SUN1: variants seen among roughly 807,000 people sequenced by gnomAD.
SUN1 encodes the protein SUN domain-containing protein 1.
Under a neutral mutation model 103.2 loss-of-function variants are expected in SUN1, and 61 were observed. The observed-to-expected ratio is 0.59, with a 90% CI of 0.48 to 0.73. The LOEUF (loss-of-function observed/expected upper bound fraction) is 0.73, where lower values mean the gene tolerates loss of function less well. Ranked by LOEUF, SUN1 falls within the 30% of genes least tolerant of loss-of-function variation. The pLI is 0.00. For missense variants in SUN1, 1,052 were observed against 1,034.6 expected (o/e 1.02, Z -0.23); for synonymous variants, 490 against 425.7 (o/e 1.15, Z -1.86).
At chr7:852,524 A>C (rs1823195558) in intron 7 of SUN1, 85 bp from the exon 8 acceptor site, 1 of 1,563,094 alleles carries the variant, frequency 6.4e-7, no homozygotes, top group Admixed American at 1.7e-5. Context: ...TGGATTTTGC[A>C]CAAAATTATC....
At position 857,858 on chromosome 7, in the gene SUN1, C is replaced by A; in HGVS notation, c.1425C>A (p.Val475=). ...SAVGEQLLPT[V]EHLQLELDQL... ...TTGGTGAGCAGCTCCTGCCCACAGT[C>A]GAGCACCTCCAGCTGGAGCTGGATC... is the stretch of plus-strand genomic sequence containing the variant. The change falls in exon 13 of 19, where the codon GTC becomes GTA. Residue 475 remains valine, a synonymous_variant. Transcript: ENST00000401592. The A allele has an allele frequency of 6.3e-7, 1 of 1,597,888 alleles. No individual in the cohort carries two copies. The highest frequency in any genetic ancestry group is 1.1e-5 in the South Asian group (1 of 89,980).
chr7:847,220 T>G (rs1373706796), intron 5 of SUN1, among the ~76,000 whole-genome samples: 1 of 151,938 alleles, frequency 6.6e-6, no homozygotes, highest in Non-Finnish European at 1.5e-5. Context: ...TTGGCGGCCT[T>G]CCCCTGGGGG....
At chr7:861,517 G>T in intron 15 of SUN1, 53 bp downstream of exon 15, 1 of 1,592,878 alleles carries the variant, frequency 6.3e-7, no homozygotes, top group Non-Finnish European at 8.6e-7. Context: ...TGTTAGCAGG[G>T]GTGTGCACTT....
intron 5 of SUN1, among the ~76,000 whole-genome samples, chr7:847,542 A>G (rs1817395123): frequency 1.5e-5 from 1 of 66,878 alleles, no homozygotes. Flanking sequence ...GTTACCCCGC[A>G]GTCCAGTCTC....
At position 854,956 on chromosome 7, in the gene SUN1, C is replaced by G. The variant is rs1193306641; in HGVS notation, c.1300C>G (p.Arg434Gly). ...FMAFHQEHEVRMSHLEDILGK... is the reference protein window; with the variant it reads ...FMAFHQEHEVGMSHLEDILGK... ...GGCCTTTCACCAAGAACATGAAGTGCGTATGTCACACTTGGAAGATATTCT... is the reference window on the plus strand; with the variant it reads ...GGCCTTTCACCAAGAACATGAAGTGGGTATGTCACACTTGGAAGATATTCT... The change falls in exon 11 of 19, where the codon CGT becomes GGT. Residue 434 changes from arginine to glycine, a missense_variant. Coordinates refer to ENST00000401592, the MANE Select transcript of SUN1 (RefSeq NM_001130965.3). The G allele has an allele frequency of 6.2e-7, 1 of 1,613,514 alleles. No individual in the cohort carries two copies. The highest frequency in any genetic ancestry group is 2.2e-5 in the East Asian group (1 of 44,878).
intron 15 of SUN1, among the ~76,000 whole-genome samples, chr7:865,540 G>A (rs1412010175): frequency 6.6e-6 from 1 of 152,242 alleles, no homozygotes. Flanking sequence ...AAGCAGTGCT[G>A]CACAAAGATA....
chr7:843,793 TAAAAC>T (rs1244209644), intron 5 of SUN1: 2 of 1,421,484 alleles, frequency 1.4e-6, no homozygotes, highest in Non-Finnish European at 1.8e-6. Context: ...GCGAAACTAA[TAAAAC>T]TACAGTCACT....
chr7:816,859 C>T (rs1292547240), intron 1 of SUN1: 1 of 150,522 alleles, frequency 6.6e-6, no homozygotes, highest in East Asian at 1.9e-4. Flanking sequence ...CGCAGCTACC[C>T]CGGCCCGCGC....
chr7:842,037 G>A lies in SUN1; in HGVS notation c.358G>A (p.Gly120Ser), dbSNP rs199666815. Residue 120 changes from glycine (G) to serine (S), a missense_variant, in exon 3 of 19, where the codon GGC becomes AGC. Gly to Ser is a moderately conservative substitution (Grantham distance 56). Coordinates refer to ENST00000401592, the MANE Select transcript of SUN1 (RefSeq NM_001130965.3). ...CACGTCCTCTGGCGTCAGCCACGGC[G>A]GCACTGTCAGCCTGCAGGATGCTGT... ...QVTSSGVSHG[G>S]TVSLQDAVTR... 3.2e-4 allele frequency: 521 copies of A among 1,614,170 alleles called. 3 individuals carry two copies. In the African/African-American group the frequency reaches 6.4e-3, roughly 20 times the overall value.
chr7:854,352 C>T (rs536926180), intron 10 of SUN1, among the ~76,000 whole-genome samples: 1 of 152,396 alleles, frequency 6.6e-6, no homozygotes, highest in South Asian at 2.1e-4. Flanking sequence ...TTTGCGTCTG[C>T]ACTGCCTAGT....
rs1831087145 is a variant in SUN1, at chr7:860,150, T to C, written c.1547T>C (p.Met516Thr). ...TAGGTGGACGTGCAAGTCAGAGAAA[T>C]GGTGAAACTCCTGTTTTCCGAAGAT... The part of the protein sequence containing the change: ...QERVDVQVRE[M>T]VKLLFSEDQQ... Residue 516 changes from methionine (M) to threonine (T), a missense_variant, in exon 14 of 19, where the codon ATG becomes ACG. Met to Thr is a moderately conservative substitution (Grantham distance 81). Transcript: ENST00000401592. 1 of 1,614,128 alleles carries C rather than the reference T, an allele frequency of 6.2e-7. No individual in the cohort carries two copies. Among genetic ancestry groups the C allele is most frequent in the Admixed American group, 1.7e-5 (1 of 60,028 alleles).
chr7:852,605 C>T lies in SUN1; in HGVS notation c.852-4C>T, dbSNP rs1823322114. On this transcript the variant is annotated splice_polypyrimidine_tract_variant and splice_region_variant and intron_variant, in intron 7 of 18. Coordinates refer to ENST00000401592, the MANE Select transcript of SUN1 (RefSeq NM_001130965.3). ...AAGTCAAAGGTTTTCATTGTTACTC[C>T]CAGGTGCCTTCGAAACATCTGCAAG... 4.3e-6 allele frequency: 7 copies of T among 1,614,146 alleles called. No homozygotes were observed. The African/African-American group carries it at 8.0e-5, about 18-fold the overall frequency.
rs1310756089 is a variant in SUN1 at position 852,062 on chromosome 7, T to C, written c.851+19T>C. On this transcript the variant is annotated intron_variant, in intron 7 of 18. Transcript: ENST00000401592. The stretch of plus-strand genomic sequence containing the variant: ...TTACCAGGTAAGGAAATGGATATCA[T>C]GTCAGCGTGGTGCTTTAAGGAACCA... 6.2e-7 allele frequency: 1 copy of C among 1,612,066 alleles called. No individual in the cohort carries two copies. The highest frequency in any genetic ancestry group is 8.5e-7 in the Non-Finnish European group (1 of 1,178,276).
At position 871,475 on chromosome 7, in the gene SUN1, C is replaced by G. The variant is rs544272449; in HGVS notation, c.2149-995C>G. Among the ~76,000 whole-genome samples, 5 of 152,268 alleles carry G rather than the reference C, an allele frequency of 3.3e-5. No homozygotes were observed. The East Asian group carries it at 9.7e-4, about 30-fold the overall frequency. On this transcript the variant is annotated intron_variant, in intron 17 of 18. Coordinates refer to ENST00000401592, the MANE Select transcript of SUN1 (RefSeq NM_001130965.3). Reference sequence around the variant, plus strand: ...CGATCTCAGTTCACTGCAATGTCCGCCTCCCGGGTTCAAGCGATTCTCCTG... The same window carrying G: ...CGATCTCAGTTCACTGCAATGTCCGGCTCCCGGGTTCAAGCGATTCTCCTG...
At position 860,351 on chromosome 7, in the gene SUN1, G is replaced by T; in HGVS notation, c.1748G>T (p.Ser583Ile). The T allele has an allele frequency of 6.2e-7, 1 of 1,614,158 alleles. No homozygotes were observed. Among genetic ancestry groups the T allele is most frequent in the East Asian group, 2.2e-5 (1 of 44,888 alleles). The change falls in exon 14 of 19, where the codon AGC (serine) becomes ATC (isoleucine). Residue 583 changes from serine (S) to isoleucine (I), a missense_variant. Around this residue, in one of 2 missense-constraint regions of SUN1, gnomAD observed 846 missense variants for 774.5 expected, o/e 1.09. Coordinates refer to ENST00000401592, the MANE Select transcript of SUN1 (RefSeq NM_001130965.3). ...TCAGAAGCCGTGGTGTCTGCTGTGA[G>T]CGAGGCGGGGGCGTCTGGAATAACA... ...PTSEAVVSAV[S>I]EAGASGITEA...
chr7:842,724 G>A (rs1242320076), intron 3 of SUN1, among the ~76,000 whole-genome samples: 2 of 152,220 alleles, frequency 1.3e-5, no homozygotes, highest in African/African-American at 2.4e-5. Context: ...ATCTGCATTC[G>A]GTTTATGTTC....
chr7:826,843 G>A (rs1036164027), intron 1 of SUN1, among the ~76,000 whole-genome samples: 1 of 152,184 alleles, frequency 6.6e-6, no homozygotes, highest in African/African-American at 2.4e-5. Context: ...AGATCCCATT[G>A]TTCATGAGTG....
At chr7:866,153 A>G in intron 16 of SUN1, 86 bp downstream of exon 16, 1 of 1,128,080 alleles carries the variant, frequency 8.9e-7, no homozygotes, top group Non-Finnish European at 1.3e-6. Flanking sequence ...AGCTCCATGG[A>G]ACTTCGTAAG....
chr7:874,658 G>A lies in SUN1; in HGVS notation c.*1327G>A, dbSNP rs1843395401. On this transcript the variant is annotated 3_prime_UTR_variant, in exon 19 of 19. Coordinates refer to ENST00000401592, the MANE Select transcript of SUN1 (RefSeq NM_001130965.3). ...GCAGTTAAGGCAGATAAAATGTACAGATGTTTCATATATTACAGGTTACAT... is the reference window on the plus strand; with the variant it reads ...GCAGTTAAGGCAGATAAAATGTACAAATGTTTCATATATTACAGGTTACAT... 1 of 152,152 alleles carries A rather than the reference G, an allele frequency of 6.6e-6. No homozygotes were observed. The highest frequency in any genetic ancestry group is 2.1e-4 in the South Asian group (1 of 4,834). 9.4% of individuals were successfully genotyped at this position (152,152 alleles called of 1,614,324 possible). A position where few individuals can be genotyped will look rare whatever the true frequency, so the allele number is the denominator to read the frequency against.
Sources: gnomAD v4.1 joint callset for allele counts (sites outside exome capture counted in the v4.1 genomes callset) on GRCh38, gnomAD v4.1.1 for gene constraint, gnomAD v4.1.1 regional missense constraint, MANE v1.5 for transcripts, NCBI Gene and HGNC (gene_info 2026-07-23, HGNC 2026-07-21) for gene names.